Variants in FBXL20 observed in about 807,000 individuals in gnomAD.
FBXL20 encodes the protein F-box/LRR-repeat protein 20.
In FBXL20, 11 loss-of-function variants were observed where a neutral mutation model predicts 64.0. The ratio of observed to expected loss-of-function variants is 0.17; its 90% CI spans 0.11 to 0.28. FBXL20 has a LOEUF of 0.28. Among genes scored for constraint, FBXL20 ranks in the 10% least tolerant of loss-of-function variants. FBXL20 has a pLI of 1.00. For synonymous variants in FBXL20, 184 were observed against 189.0 expected, an observed-to-expected ratio of 0.97 and a Z score of 0.22; for missense variants, 303 against 526.2, an observed-to-expected ratio of 0.58 and a Z score of 4.15.
intron 1 of FBXL20, among the ~76,000 whole-genome samples, chr17:39,357,748 T>G (rs2047756302): frequency 6.6e-6 from 1 of 152,198 alleles, no homozygotes; most frequent in Admixed American, 6.5e-5. Context: ...AAAAGAAACA[T>G]TTACTTATTG....
Position 39,253,468 on chromosome 17 carries a change from C to T in FBXL20, c.*7992G>A, listed in dbSNP as rs965706836. The T allele has an allele frequency of 6.6e-5, 10 of 152,356 alleles. No homozygotes were observed. Among genetic ancestry groups the T allele is most frequent in the Admixed American group, 1.3e-4 (2 of 15,266 alleles). The allele number at this position is 152,356 out of a possible 1,614,324, so 9.4% of individuals were successfully genotyped here. A position where few individuals can be genotyped will look rare whatever the true frequency, so the allele number is the denominator to read the frequency against. On this transcript the variant is annotated 3_prime_UTR_variant, in exon 15 of 15. Transcript: ENST00000264658. ...TTAAGAAATGCAAAATTAAGAAGGCCGCTCTCCTCTTACAGTCAACCTTTG... is the reference window on the plus strand; with the variant it reads ...TTAAGAAATGCAAAATTAAGAAGGCTGCTCTCCTCTTACAGTCAACCTTTG...
Position 39,401,540 on chromosome 17 carries a change from G to A in FBXL20, c.-138C>T. On this transcript the variant is annotated 5_prime_UTR_variant, in exon 1 of 15. Coordinates refer to ENST00000264658, the MANE Select transcript of FBXL20 (RefSeq NM_032875.3). The stretch of plus-strand genomic sequence containing the variant: ...CGCCGGGACCGTGGGACGGGAACAA[G>A]AGACCTCTCGGCTCCGGCTAGGCCT... 2 of 1,439,366 alleles carry A rather than the reference G, an allele frequency of 1.4e-6. No homozygotes were observed. Among genetic ancestry groups the A allele is most frequent in the South Asian group, 1.5e-5 (1 of 67,724 alleles). 89.2% of individuals were successfully genotyped at this position (1,439,366 alleles called of 1,614,324 possible).
chr17:39,306,405 C>T (rs959570909), intron 2 of FBXL20, among the ~76,000 whole-genome samples: 2 of 152,104 alleles, frequency 1.3e-5, no homozygotes, highest in Non-Finnish European at 2.9e-5. Flanking sequence ...TCCAAGAAAT[C>T]ACTGCTAAAC....
chr17:39,401,903 G>A, upstream of FBXL20: 1 of 409,346 alleles, frequency 2.4e-6, no homozygotes, highest in Non-Finnish European at 4.0e-6. Context: ...GTGCCTGTGC[G>A]TGTGGAAAAG....
At chr17:39,359,605 GA>G (rs558027857) in intron 1 of FBXL20, among the ~76,000 whole-genome samples, 45 of 143,824 alleles carry the variant, frequency 3.1e-4, no homozygotes, top group South Asian at 2.2e-3. Context: ...CTCCATCTTG[GA>G]AAAAAAAAAA....
At chr17:39,350,882 G>A (rs2047681512) in intron 1 of FBXL20, among the ~76,000 whole-genome samples, 1 of 152,082 alleles carries the variant, frequency 6.6e-6, no homozygotes, top group African/African-American at 2.4e-5. Context: ...GAGAGAAAAT[G>A]GTGGGGCAAT....
At chr17:39,365,997 A>AT (rs869080976) in intron 1 of FBXL20, among the ~76,000 whole-genome samples, 176 of 147,548 alleles carry the variant, frequency 1.2e-3, no homozygotes, top group Middle Eastern at 3.6e-3. Context: ...ATTTAAAAAA[A>AT]TTTTTTTTTT....
intron 2 of FBXL20, among the ~76,000 whole-genome samples, chr17:39,331,128 A>G (rs1389100099): frequency 6.6e-6 from 1 of 152,204 alleles, no homozygotes; most frequent in Non-Finnish European, 1.5e-5. Context: ...TTTTGTTAAG[A>G]CAGAGTCTCG....
upstream of FBXL20, chr17:39,402,080 C>G (rs1423919119): frequency 8.9e-7 from 1 of 1,121,368 alleles, no homozygotes; most frequent in African/African-American, 1.6e-5. Flanking sequence ...CAGCCTCTGC[C>G]CGCGCCCGTC....
intron 1 of FBXL20, among the ~76,000 whole-genome samples, chr17:39,346,695 C>CT (rs112975808): frequency 0.033 from 4,895 of 149,314 alleles, 264 homozygotes; most frequent in African/African-American, 0.11. Context: ...CTGACAATTA[C>CT]TTTTTTTTTT....
intron 6 of FBXL20, among the ~76,000 whole-genome samples, chr17:39,294,624 G>A (rs990452356): frequency 6.6e-6 from 1 of 152,008 alleles, no homozygotes; most frequent in Non-Finnish European, 1.5e-5. Context: ...TTAAAATAGT[G>A]TATTTTTAAA....
At chr17:39,326,765 G>A (rs565607493) in intron 2 of FBXL20, among the ~76,000 whole-genome samples, 3 of 151,738 alleles carry the variant, frequency 2.0e-5, no homozygotes, top group Non-Finnish European at 4.4e-5. Context: ...GACTACAGGT[G>A]CACGCCACCA....
At chr17:39,374,559 GATT>G (rs969928122) in intron 1 of FBXL20, among the ~76,000 whole-genome samples, 15 of 151,846 alleles carry the variant, frequency 9.9e-5, no homozygotes, top group Non-Finnish European at 1.5e-5. Flanking sequence ...AAAATTGCTA[GATT>G]ATAACTAATT....
intron 1 of FBXL20, among the ~76,000 whole-genome samples, chr17:39,373,203 T>C (rs2047935163): frequency 1.3e-5 from 2 of 152,118 alleles, no homozygotes; most frequent in South Asian, 4.1e-4. Context: ...AAGGAAAAAC[T>C]TTCTCTAAAC....
At chr17:39,269,003 A>G in intron 11 of FBXL20, 132 bp from the exon 12 acceptor site, 1 of 792,540 alleles carries the variant, frequency 1.3e-6, no homozygotes, top group Non-Finnish European at 2.0e-6. Flanking sequence ...AGCTAGTGTC[A>G]TGCTAATTTT....
intron 1 of FBXL20, among the ~76,000 whole-genome samples, chr17:39,400,528 G>A (rs2048231012): frequency 6.6e-6 from 1 of 152,100 alleles, no homozygotes; most frequent in African/African-American, 2.4e-5. Context: ...TGACCCTCAA[G>A]GAACCTTCCA....
Position 39,253,793 on chromosome 17 carries a change from C to T in FBXL20, c.*7667G>A, listed in dbSNP as rs2144311717. 1 of 152,266 alleles carries T rather than the reference C, an allele frequency of 6.6e-6. No homozygotes were observed. Among genetic ancestry groups the T allele is most frequent in the Non-Finnish European group, 1.5e-5 (1 of 68,018 alleles). 9.4% of individuals were successfully genotyped at this position (152,266 alleles called of 1,614,324 possible). On this transcript the variant is annotated 3_prime_UTR_variant, in exon 15 of 15. Coordinates refer to ENST00000264658, the MANE Select transcript of FBXL20 (RefSeq NM_032875.3). ...AAAGCAGCAGCAAAGGTTTCACTTACTAAAAATCTATTATATAGGAAAGAA... is the reference window on the plus strand; with the variant it reads ...AAAGCAGCAGCAAAGGTTTCACTTATTAAAAATCTATTATATAGGAAAGAA...
At chr17:39,277,232 G>A (rs1393393546) in intron 9 of FBXL20, among the ~76,000 whole-genome samples, 1 of 152,158 alleles carries the variant, frequency 6.6e-6, no homozygotes, top group Non-Finnish European at 1.5e-5. Flanking sequence ...ACTAACACAC[G>A]TGGAGGCAGC....
rs577339945 is a variant in FBXL20, at chr17:39,254,750, C to A, written c.*6710G>T. On this transcript the variant is annotated 3_prime_UTR_variant, in exon 15 of 15. Transcript: ENST00000264658. ...GTACCCCAATTCTAGAGCTAATTAT[C>A]TGCTTTATTTGAAACTTGTCTATCA... 1 of 154,514 alleles carries A rather than the reference C, an allele frequency of 6.5e-6. No individual in the cohort carries two copies. The highest frequency in any genetic ancestry group is 2.4e-5 in the African/African-American group (1 of 41,526). 9.6% of individuals were successfully genotyped at this position (154,514 alleles called of 1,614,324 possible).
Sources: allele counts gnomAD v4.1 joint callset (sites outside exome capture counted in the v4.1 genomes callset), GRCh38; gene constraint gnomAD v4.1.1; transcripts MANE v1.5; gene names NCBI Gene and HGNC (gene_info 2026-07-23, HGNC 2026-07-21).